LDB3: variants seen among roughly 807,000 people sequenced by gnomAD.
LDB3 encodes the protein LIM domain binding 3.
LDB3 carries 49 observed loss-of-function variants against 69.0 expected under a neutral mutation model. The ratio of observed to expected loss-of-function variants is 0.71; its 90% CI spans 0.56 to 0.90. The LOEUF (loss-of-function observed/expected upper bound fraction) is 0.90. Ranked by LOEUF, LDB3 falls within the 40% of genes least tolerant of loss-of-function variation. The pLI is 0.00. For synonymous variants in LDB3, 387 were observed against 396.2 expected (o/e 0.98, Z 0.28); for missense variants, 928 against 974.1 (o/e 0.95, Z 0.63).
chr10:86,682,553 G>A (rs574061828), intron 5 of LDB3, among the ~76,000 whole-genome samples: 43 of 152,282 alleles, frequency 2.8e-4, no homozygotes, highest in African/African-American at 1.0e-3. Context: ...GCCTGTGTTA[G>A]CTCTGAGCCC....
At chr10:86,673,084 G>A (rs1055415213) in intron 2 of LDB3, among the ~76,000 whole-genome samples, 1 of 152,242 alleles carries the variant, frequency 6.6e-6, no homozygotes, top group African/African-American at 2.4e-5. Context: ...ACCCCTTTGG[G>A]ACCAGGCTCC....
chr10:86,728,774 G>T (rs558780892), intron 13 of LDB3, among the ~76,000 whole-genome samples: 1 of 151,896 alleles, frequency 6.6e-6, no homozygotes, highest in East Asian at 1.9e-4. Context: ...TAGAGACGGG[G>T]TTTCACCATC....
At chr10:86,721,654 T>C (rs1847088279) in intron 12 of LDB3, among the ~76,000 whole-genome samples, 1 of 152,190 alleles carries the variant, frequency 6.6e-6, no homozygotes, top group South Asian at 2.1e-4. Flanking sequence ...TTTCTCAAAG[T>C]GTGGTCCCAA....
At chr10:86,671,881 G>C (rs1844501560) in intron 2 of LDB3, among the ~76,000 whole-genome samples, 1 of 152,224 alleles carries the variant, frequency 6.6e-6, no homozygotes, top group South Asian at 2.1e-4. Context: ...GGGAGGCCGA[G>C]GGGGCAGACC....
chr10:86,695,203 G>C (rs1019987479), intron 7 of LDB3, among the ~76,000 whole-genome samples: 1 of 152,230 alleles, frequency 6.6e-6, no homozygotes, highest in African/African-American at 2.4e-5. Flanking sequence ...GTAGTGTCAG[G>C]CATTCTGCAC....
chr10:86,690,620 C>T (rs1845710535), intron 5 of LDB3, among the ~76,000 whole-genome samples: 1 of 152,232 alleles, frequency 6.6e-6, no homozygotes, highest in Non-Finnish European at 1.5e-5. Flanking sequence ...AAGGTCAGTT[C>T]CCTGTCACAC....
At chr10:86,672,571 A>G (rs11202121) in intron 2 of LDB3, among the ~76,000 whole-genome samples, 43,265 of 152,110 alleles carry the variant, frequency 0.28, 7,161 homozygotes, top group East Asian at 0.46. Context: ...TTATAGCCGC[A>G]CTGAAGGTCA....
At chr10:86,730,168 A>G (rs149380890) in intron 13 of LDB3, among the ~76,000 whole-genome samples, 3 of 152,300 alleles carry the variant, frequency 2.0e-5, no homozygotes, top group Non-Finnish European at 4.4e-5. Context: ...AGCCTTGCAC[A>G]TGGGGCTAGC....
In LDB3 at chr10:86,689,803, G is replaced by C. The variant is rs146403610; in HGVS notation, c.690-2093G>C. ...CTGCACACAGTGAAGCAAATGCAGC[G>C]GTGACCTGATGTTGCGGTGACTGTG... On this transcript the variant is annotated intron_variant, in intron 5 of 13. Coordinates refer to ENST00000361373, the MANE Select transcript of LDB3 (RefSeq NM_007078.3). Among the ~76,000 whole-genome samples the C allele has an allele frequency of 2.1e-3, 323 of 152,294 alleles. 4 individuals are homozygous for C. Among genetic ancestry groups the C allele is most frequent in the Middle Eastern group, 0.014 (4 of 294 alleles).
chr10:86,711,367 G>A (rs1047047441), intron 9 of LDB3, among the ~76,000 whole-genome samples: 1 of 151,978 alleles, frequency 6.6e-6, no homozygotes, highest in African/African-American at 2.4e-5. Flanking sequence ...CCGGAGCCGC[G>A]GGCCCCCGCG....
chr10:86,688,657 A>T (rs1455161229), intron 5 of LDB3, among the ~76,000 whole-genome samples: 1 of 152,236 alleles, frequency 6.6e-6, no homozygotes, highest in Non-Finnish European at 1.5e-5. Flanking sequence ...ATGCGTACCC[A>T]GAAAAACAAG....
chr10:86,702,522 G>T (rs1266732566), intron 7 of LDB3, among the ~76,000 whole-genome samples: 1 of 152,164 alleles, frequency 6.6e-6, no homozygotes, highest in Non-Finnish European at 1.5e-5. Flanking sequence ...GTTTCTCCTG[G>T]CCACGCCAAC....
rs754840310 is a variant in LDB3 at position 86,718,032 on chromosome 10, C to G, written c.1745C>G (p.Thr582Ser). Residue 582 changes from threonine to serine, a missense_variant, in exon 11 of 14, where the codon ACT (threonine) becomes AGT (serine). Coordinates refer to ENST00000361373, the MANE Select transcript of LDB3 (RefSeq NM_007078.3). ...PEEFTCAYCK[T>S]SLADVCFVEE... ...GAGTTCACCTGTGCCTACTGCAAGA[C>G]TTCCCTGGCAGATGTGTGCTTTGTG... The G allele has an allele frequency of 3.1e-6, 5 of 1,614,222 alleles. 1 individual carries two copies. In the Admixed American group the frequency reaches 5.0e-5, roughly 16 times the overall value.
Position 86,699,390 on chromosome 10 carries a change from C to A in LDB3, c.896+6819C>A, listed in dbSNP as rs765450945. The A allele has an allele frequency of 1.2e-6, 2 of 1,613,144 alleles. No homozygotes were observed. The highest frequency in any genetic ancestry group is 1.7e-5 in the Admixed American group (1 of 60,006). On this transcript the variant is annotated intron_variant, in intron 7 of 13. Coordinates refer to ENST00000361373, the MANE Select transcript of LDB3 (RefSeq NM_007078.3). The surrounding 1 kb of genome is among the most constrained non-coding windows in gnomAD (Gnocchi z 4.9). ...TAAAAGCTAAAAGGCTGCCTGGAAT[C>A]CCCCCACCCCAACAGGCTGGACTCC...
intron 11 of LDB3, 59 bp downstream of exon 11, chr10:86,718,203 A>T (rs900005847): frequency 6.6e-7 from 1 of 1,525,872 alleles, no homozygotes; most frequent in Non-Finnish European, 9.1e-7. Context: ...CTTCCCCAAG[A>T]TCGTGGGATC....
chr10:86,701,062 C>G (rs1846243432), intron 7 of LDB3, among the ~76,000 whole-genome samples: 1 of 152,220 alleles, frequency 6.6e-6, no homozygotes, highest in African/African-American at 2.4e-5. Flanking sequence ...AGGCCGCTCT[C>G]TCCTGCCCAT....
intron 4 of LDB3, 121 bp downstream of exon 4, chr10:86,680,278 C>T (rs757778424): frequency 1.6e-4 from 134 of 838,842 alleles, no homozygotes; most frequent in Non-Finnish European, 2.2e-4. Flanking sequence ...CAGCCCTGCC[C>T]CATCCCTGCC....
At chr10:86,686,927 A>G in intron 5 of LDB3, 3 of 780,948 alleles carry the variant, frequency 3.8e-6, no homozygotes, top group Non-Finnish European at 6.6e-6. Context: ...TGTGTAGCCT[A>G]TGGGGGTTCA....
intron 5 of LDB3, chr10:86,685,796 G>A (rs1458489499): frequency 7.9e-6 from 11 of 1,387,124 alleles, no homozygotes; most frequent in South Asian, 1.2e-5. Flanking sequence ...CTGCTGGCAT[G>A]TGTACATGTA....
Sources: gnomAD v4.1 joint callset for allele counts (sites outside exome capture counted in the v4.1 genomes callset) on GRCh38, gnomAD v4.1.1 for gene constraint, Gnocchi (gnomAD v3.1) non-coding constraint, MANE v1.5 for transcripts, NCBI Gene and HGNC (gene_info 2026-07-23, HGNC 2026-07-21) for gene names.